Variants in LAMA5 observed in about 807,000 individuals in gnomAD.
LAMA5 encodes laminin subunit alpha-5.
Under a neutral mutation model 433.4 loss-of-function variants are expected in LAMA5, and 260 were observed. The ratio of observed to expected loss-of-function variants is 0.60; its 90% CI spans 0.54 to 0.66. The LOEUF is 0.66. LAMA5 is among the 30% of genes least tolerant of loss of function. LAMA5 has a pLI of 0.00. For synonymous variants in LAMA5, 2,620 were observed against 2,226.6 expected (o/e 1.18, Z -4.97); for missense variants, 5,378 against 5,258.5 (o/e 1.02, Z -0.70).
intron 15 of LAMA5, 32 bp downstream of exon 15, chr20:62,337,772 G>A (rs1981926542): frequency 6.2e-6 from 10 of 1,609,176 alleles, no homozygotes; most frequent in African/African-American, 1.3e-5. Flanking sequence ...GACTGCACCT[G>A]CCTCCCCACC....
At position 62,329,221 on chromosome 20, in the gene LAMA5, G is replaced by A. The variant is rs753734706; in HGVS notation, c.4152C>T (p.Tyr1384=). Residue 1384 remains tyrosine, a synonymous_variant, in exon 33 of 80, where the codon TAC becomes TAT. Coordinates refer to ENST00000252999, the MANE Select transcript of LAMA5 (RefSeq NM_005560.6). ...DYVLVVPENV[Y]SFGYLREEPL... is the part of the protein sequence containing the mutation. The stretch of plus-strand genomic sequence containing the variant: ...GCTCCTCCCGGAGGTAGCCAAAGCT[G>A]TAGACGTTCTCAGGGACCACGAGTA... The A allele has an allele frequency of 3.7e-5, 60 of 1,612,802 alleles. No homozygotes were observed. The Middle Eastern group carries it at 6.6e-4, about 18-fold the overall frequency.
Position 62,367,284 on chromosome 20 carries a change from A to T in LAMA5, c.-39T>A, listed in dbSNP as rs573374412. ...GGCCGCGTCCCCGAGCTCCAGGGAC[A>T]GCGCGCGCGGCGGGAGCCCGGCGGG... On this transcript the variant is annotated 5_prime_UTR_variant, in exon 1 of 80. Transcript: ENST00000252999. 4.0e-5 allele frequency: 46 copies of T among 1,139,076 alleles called. No individual in the cohort carries two copies. In the South Asian group the frequency reaches 1.7e-3, roughly 42 times the overall value. The allele number at this position is 1,139,076 out of a possible 1,614,324, so 70.6% of individuals were successfully genotyped here. A position where few individuals can be genotyped will look rare whatever the true frequency, so the allele number is the denominator to read the frequency against.
rs1184252317 is a variant in LAMA5 at position 62,309,265 on chromosome 20, T to TA, written c.*70dup. On this transcript the variant is annotated 3_prime_UTR_variant, in exon 80 of 80. Transcript: ENST00000252999. ...AGAGCTTAGAGTCCAAATAGACACC[T>TA]ATGAGGCGAGCACAAGGGGCGGTGT... The TA allele has an allele frequency of 2.0e-6, 3 of 1,488,076 alleles. No homozygotes were observed. The highest frequency in any genetic ancestry group is 2.7e-6 in the Non-Finnish European group (3 of 1,098,212). 92.2% of individuals were successfully genotyped at this position (1,488,076 alleles called of 1,614,324 possible).
chr20:62,352,237 C>A lies in LAMA5; in HGVS notation c.687+5G>T. 1 of 1,597,202 alleles carries A rather than the reference C, an allele frequency of 6.3e-7. No individual in the cohort carries two copies. Among genetic ancestry groups the A allele is most frequent in the Non-Finnish European group, 8.5e-7 (1 of 1,178,228 alleles). On this transcript the variant is annotated splice_donor_5th_base_variant and intron_variant, in intron 4 of 79. Transcript: ENST00000252999. ...CCCGTACCGCCCTGCCCCTCCCCGG[C>A]CCACCTCTCCGTTCTCCAGGGGCAC...
chr20:62,310,188 G>T lies in LAMA5; in HGVS notation c.10724C>A (p.Thr3575Asn), dbSNP rs1281937952. Reference sequence around the variant, plus strand: ...CTCTGCCAGGCTTACTTGCTTCTCGGTCACCTGCAACTGCAAGTAGGGGGG... The same window carrying T: ...CTCTGCCAGGCTTACTTGCTTCTCGTTCACCTGCAACTGCAAGTAGGGGGG... ...RTPPYLQLQV[T>N]EKQVLLRADD... is the part of the protein sequence containing the mutation. Residue 3575 changes from threonine to asparagine, a missense_variant, in exon 77 of 80, where the codon ACC (threonine) becomes AAC (asparagine). Coordinates refer to ENST00000252999, the MANE Select transcript of LAMA5 (RefSeq NM_005560.6). 11 of 1,612,352 alleles carry T rather than the reference G, an allele frequency of 6.8e-6. No homozygotes were observed. The highest frequency in any genetic ancestry group is 1.6e-4 in the Middle Eastern group (1 of 6,082).
chr20:62,333,492 G>A lies in LAMA5; in HGVS notation c.3022-11C>T, dbSNP rs1476740505. ...CAGAACCACGTAGTCCTGCAGGGTG[G>A]AGGTGGTGCTGAGAGTGGTGGGCCC... On this transcript the variant is annotated splice_polypyrimidine_tract_variant and intron_variant, in intron 24 of 79. Transcript: ENST00000252999. 1.2e-6 allele frequency: 2 copies of A among 1,608,158 alleles called. No individual in the cohort carries two copies. The highest frequency in any genetic ancestry group is 4.5e-5 in the East Asian group (2 of 44,684).
chr20:62,346,745 C>T lies in LAMA5; in HGVS notation c.1128G>A (p.Arg376=). 1.9e-6 allele frequency: 3 copies of T among 1,613,150 alleles called. No homozygotes were observed. Residue 376 remains arginine, a synonymous_variant, in exon 8 of 80, where the codon CGG becomes CGA. Coordinates refer to ENST00000252999, the MANE Select transcript of LAMA5 (RefSeq NM_005560.6). The stretch of plus-strand genomic sequence containing the variant: ...CATCCAGGCTCTGGCTGGCGCGGCG[C>T]CGGTCCACCTCAGGGTCGTAGTAAC... ...TDCYYDPEVD[R]RRASQSLDGT...
At chr20:62,347,726 G>A (rs925191895) in intron 6 of LAMA5, among the ~76,000 whole-genome samples, 16 of 152,198 alleles carry the variant, frequency 1.1e-4, no homozygotes, top group Non-Finnish European at 2.1e-4. Context: ...AGACCACAGC[G>A]GGAGTCCCTG....
rs1165851634 is a variant in LAMA5 at position 62,313,655 on chromosome 20, G to A, written c.8652C>T (p.Thr2884=). The A allele has an allele frequency of 1.9e-6, 3 of 1,612,554 alleles. No homozygotes were observed. Among genetic ancestry groups the A allele is most frequent in the Non-Finnish European group, 2.5e-6 (3 of 1,179,934 alleles). ...FVFYVGGYPS[T]FTPPPLLRFP... The stretch of plus-strand genomic sequence containing the variant: ...CCAGGCCGGGCGGGCTCACCGTGAA[G>A]GTACTGGGGTACCCCCCGACGTAGA... The change falls in exon 63 of 80, where the codon ACC becomes ACT. Residue 2884 remains threonine, a synonymous_variant. Transcript: ENST00000252999.
Position 62,338,512 on chromosome 20 carries a change from T to C in LAMA5, c.1574A>G (p.His525Arg), listed in dbSNP as rs779765777. The C allele has an allele frequency of 6.2e-7, 1 of 1,609,994 alleles. No individual in the cohort carries two copies. The highest frequency in any genetic ancestry group is 8.5e-7 in the Non-Finnish European group (1 of 1,179,042). ...CLCKPNFQGTHCELCAPGFYG... is the reference protein window; with the variant it reads ...CLCKPNFQGTRCELCAPGFYG... ...GAACCCTGGCGCGCAGAGCTCACAA[T>C]GGGTGCCTTGGAAGTTGGGTTTGCA... is the stretch of plus-strand genomic sequence containing the variant. Residue 525 changes from histidine to arginine, a missense_variant, in exon 12 of 80, where the codon CAT becomes CGT. His to Arg is a conservative substitution (Grantham distance 29). Coordinates refer to ENST00000252999, the MANE Select transcript of LAMA5 (RefSeq NM_005560.6).
intron 58 of LAMA5, among the ~76,000 whole-genome samples, 176 bp from the exon 59 acceptor site, chr20:62,315,383 A>G (rs1986830330): frequency 6.6e-6 from 1 of 151,572 alleles, no homozygotes; most frequent in African/African-American, 2.4e-5. Flanking sequence ...CCTCCACCAG[A>G]CGCCCCCTCC....
chr20:62,336,349 C>T lies in LAMA5; in HGVS notation c.2314G>A (p.Gly772Ser). The T allele has an allele frequency of 6.2e-7, 1 of 1,609,970 alleles. No individual in the cohort carries two copies. The highest frequency in any genetic ancestry group is 8.5e-7 in the Non-Finnish European group (1 of 1,178,178). ...FWGLSPSNPE[G>S]CTRCSCDLRG... ...TCCAGGGCACACTCACGGGTACAGC[C>T]CTCGGGGTTGCTGGGGCTCAGTCCC... The change falls in exon 18 of 80, where the codon GGC (glycine) becomes AGC (serine). Residue 772 changes from glycine (G) to serine (S), a missense_variant. By Grantham distance (56) the Gly-to-Ser change is moderately conservative. Transcript: ENST00000252999.
chr20:62,320,907 G>A lies in LAMA5; in HGVS notation c.6497-17C>T. The A allele has an allele frequency of 1.9e-6, 3 of 1,599,938 alleles. No individual in the cohort carries two copies. The highest frequency in any genetic ancestry group is 2.6e-6 in the Non-Finnish European group (3 of 1,172,300). On this transcript the variant is annotated splice_polypyrimidine_tract_variant and intron_variant, in intron 48 of 79. Transcript: ENST00000252999. ...GGTCACACACTGCAGGCGATGTGGG[G>A]TCACAGGTCAGTGTCATTGGGTCAG...
At position 62,353,150 on chromosome 20, in the gene LAMA5, G is replaced by A; in HGVS notation, c.552C>T (p.Pro184=). ...RSMDFGRTYQ[P]WQFFASSKRD... ...GAGACTCACAGGCAAAGAACTGCCAGGGCTGGTAGGTGCGGCCGAAGTCCA... is the reference window on the plus strand; with the variant it reads ...GAGACTCACAGGCAAAGAACTGCCAAGGCTGGTAGGTGCGGCCGAAGTCCA... Residue 184 remains proline, a synonymous_variant, in exon 3 of 80, where the codon CCC becomes CCT. Coordinates refer to ENST00000252999, the MANE Select transcript of LAMA5 (RefSeq NM_005560.6). 2 of 1,576,152 alleles carry A rather than the reference G, an allele frequency of 1.3e-6. No homozygotes were observed. The highest frequency in any genetic ancestry group is 1.3e-5 in the African/African-American group (1 of 74,222).
intron 11 of LAMA5, among the ~76,000 whole-genome samples, chr20:62,341,826 C>CCAAAA (rs1481794037): frequency 7.8e-5 from 10 of 128,154 alleles, no homozygotes; most frequent in African/African-American, 3.4e-4. Flanking sequence ...TCTGATCAAC[C>CCAAAA]AAAAAAAAAA....
Position 62,310,492 on chromosome 20 carries a change from C to G in LAMA5, c.10527G>C (p.Gly3509=). The change falls in exon 76 of 80, where the codon GGG becomes GGC. Residue 3509 remains glycine, a synonymous_variant. Coordinates refer to ENST00000252999, the MANE Select transcript of LAMA5 (RefSeq NM_005560.6). ...RPLGAPTRMA[G]VTPCILGPLE... is the part of the protein sequence containing the mutation. ...GGGGGCCCAAGATGCAGGGTGTGAC[C>G]CCTGCCATCCGTGTGGGGGCCCCCA... The G allele has an allele frequency of 1.3e-6, 2 of 1,570,932 alleles. No homozygotes were observed. Among genetic ancestry groups the G allele is most frequent in the Non-Finnish European group, 1.7e-6 (2 of 1,164,730 alleles).
intron 57 of LAMA5, 137 bp downstream of exon 57, chr20:62,316,534 T>C (rs1210475960): frequency 1.6e-5 from 10 of 626,422 alleles, no homozygotes; most frequent in Non-Finnish European, 2.6e-5. Flanking sequence ...TGGGGAGCCA[T>C]CTCCAAAGCT....
intron 6 of LAMA5, among the ~76,000 whole-genome samples, chr20:62,349,512 G>C (rs1031805480): frequency 6.7e-6 from 1 of 150,022 alleles, no homozygotes; most frequent in Non-Finnish European, 1.5e-5. Flanking sequence ...TATCAACCAC[G>C]AATCCTACAG....
At chr20:62,310,359 G>T in intron 76 of LAMA5, 48 bp from the exon 77 acceptor site, 1 of 1,569,728 alleles carries the variant, frequency 6.4e-7, no homozygotes, top group Non-Finnish European at 8.6e-7. Context: ...CCCCTCCCCA[G>T]AACCTCCTGG....
Sources: allele counts gnomAD v4.1 joint callset (sites outside exome capture counted in the v4.1 genomes callset), GRCh38; gene constraint gnomAD v4.1.1; transcripts MANE v1.5; gene names NCBI Gene and HGNC (gene_info 2026-07-23, HGNC 2026-07-21).